The following USP28 variants were observed in gnomAD, a reference collection of about 807,000 sequenced individuals.
USP28 encodes ubiquitin specific peptidase 28.
A neutral mutation model predicts 145.0 loss-of-function variants in USP28; 113 were observed. That is an observed-to-expected ratio of 0.78 (90% confidence interval 0.67 to 0.91). USP28 has a LOEUF of 0.91. Ranked by LOEUF, USP28 falls within the 40% of genes least tolerant of loss-of-function variation. USP28 has a pLI of 0.00. For missense variants in USP28, 1,201 were observed against 1,289.6 expected (o/e 0.93, Z 1.05); for synonymous variants, 447 against 450.9 (o/e 0.99, Z 0.11).
intron 16 of USP28, among the ~76,000 whole-genome samples, chr11:113,809,744 G>A (rs1249627901): frequency 1.3e-5 from 2 of 152,118 alleles, no homozygotes; most frequent in African/African-American, 4.8e-5. Flanking sequence ...TAAAGATATG[G>A]AAAGTGGGCC....
intron 5 of USP28, among the ~76,000 whole-genome samples, chr11:113,838,893 T>A (rs1944882867): frequency 6.6e-6 from 1 of 152,204 alleles, no homozygotes; most frequent in South Asian, 2.1e-4. Context: ...AGAATTCCAT[T>A]TTTTGGCTTG....
chr11:113,821,093 G>T, intron 12 of USP28: 1 of 243,528 alleles, frequency 4.1e-6, no homozygotes, highest in South Asian at 6.3e-5. Flanking sequence ...GAGGGACTTG[G>T]GATGAAAGTA....
At chr11:113,821,764 GA>G (rs1253575177) in intron 12 of USP28, 2 of 195,246 alleles carry the variant, frequency 1.0e-5, no homozygotes, top group Non-Finnish European at 2.2e-5. Context: ...TTTTTATTCA[GA>G]AAGCCTCTCT....
At chr11:113,822,183 G>T (rs999952705) in intron 12 of USP28, among the ~76,000 whole-genome samples, 1 of 152,118 alleles carries the variant, frequency 6.6e-6, no homozygotes. Flanking sequence ...CAGGAACAGC[G>T]GCTCACGCCT....
chr11:113,834,244 C>T lies in USP28; in HGVS notation c.621+5G>A. ...CAGTGAAGAAATTCCTTGACACCAACTTACTGTATGACTTCGACAATTTTC... is the reference window on the plus strand; with the variant it reads ...CAGTGAAGAAATTCCTTGACACCAATTTACTGTATGACTTCGACAATTTTC... On this transcript the variant is annotated splice_donor_5th_base_variant and intron_variant, in intron 6 of 24. Transcript: ENST00000003302. 6.2e-7 allele frequency: 1 copy of T among 1,604,806 alleles called. No homozygotes were observed. The highest frequency in any genetic ancestry group is 8.5e-7 in the Non-Finnish European group (1 of 1,175,958).
At chr11:113,875,528 C>CG in exon 1 of USP28, 2 of 1,147,706 alleles carry the variant, frequency 1.7e-6, no homozygotes, top group South Asian at 8.1e-5. Flanking sequence ...CGCGGGTCAC[C>CG]GGTCTCCCGC....
At chr11:113,816,496 A>T (rs1216041002) in intron 13 of USP28, among the ~76,000 whole-genome samples, 1 of 152,148 alleles carries the variant, frequency 6.6e-6, no homozygotes, top group Non-Finnish European at 1.5e-5. Context: ...CTGGCGACAG[A>T]GTGAGACTCC....
At chr11:113,827,533 T>A (rs1943521802) in intron 10 of USP28, among the ~76,000 whole-genome samples, 173 bp from the exon 11 acceptor site, 1 of 152,218 alleles carries the variant, frequency 6.6e-6, no homozygotes, top group South Asian at 2.1e-4. Flanking sequence ...AATCAACACT[T>A]AGAATCTCAT....
At chr11:113,844,207 C>G (rs1945549122) in intron 3 of USP28, among the ~76,000 whole-genome samples, 1 of 151,808 alleles carries the variant, frequency 6.6e-6, no homozygotes, top group Non-Finnish European at 1.5e-5. Context: ...TTGGGAGGCC[C>G]AGACGGGTGG....
chr11:113,841,301 G>C (rs1006709245), intron 4 of USP28, among the ~76,000 whole-genome samples: 3 of 152,190 alleles, frequency 2.0e-5, no homozygotes, highest in African/African-American at 7.2e-5. Context: ...GATCACTTAT[G>C]AGACAGGGTA....
At chr11:113,851,112 A>C (rs1020475133) in intron 3 of USP28, among the ~76,000 whole-genome samples, 3 of 152,112 alleles carry the variant, frequency 2.0e-5, no homozygotes, top group African/African-American at 7.2e-5. Flanking sequence ...TACCTTAAAA[A>C]TAATATATGC....
intron 5 of USP28, 49 bp downstream of exon 5, chr11:113,840,549 T>C: frequency 6.3e-7 from 1 of 1,577,292 alleles, no homozygotes; most frequent in Non-Finnish European, 8.6e-7. Context: ...GTTTAATAAA[T>C]TACAAAGTTA....
At chr11:113,844,108 G>A (rs571459264) in intron 3 of USP28, among the ~76,000 whole-genome samples, 1 of 152,188 alleles carries the variant, frequency 6.6e-6, no homozygotes, top group South Asian at 2.1e-4. Context: ...AGAAAAAATA[G>A]ATTAAAAAAT....
chr11:113,812,376 A>T, exon 16 of USP28: 3 of 1,614,104 alleles, frequency 1.9e-6, no homozygotes, highest in Non-Finnish European at 2.5e-6. Context: ...CTTCCCAGGA[A>T]GATTCAGTAA....
chr11:113,829,586 G>A, intron 9 of USP28: 1 of 436,588 alleles, frequency 2.3e-6, no homozygotes, highest in South Asian at 2.8e-5. Flanking sequence ...CCACCACTTT[G>A]GGAGGCCAAG....
chr11:113,817,554 C>T lies in USP28; in HGVS notation c.1463+104G>A. On this transcript the variant is annotated intron_variant, in intron 13 of 24. Coordinates refer to ENST00000003302, the Ensembl canonical transcript of USP28. Reference sequence around the variant, plus strand: ...CTTTAAGACAAAGAGCTCACAGCTCCTGTGCTCTTATAGGTGACTGTCAAT... The same window carrying T: ...CTTTAAGACAAAGAGCTCACAGCTCTTGTGCTCTTATAGGTGACTGTCAAT... 2.3e-6 allele frequency: 3 copies of T among 1,326,686 alleles called. No individual in the cohort carries two copies. The South Asian group carries it at 4.3e-5, about 19-fold the overall frequency. 82.2% of individuals were successfully genotyped at this position (1,326,686 alleles called of 1,614,324 possible).
chr11:113,857,446 G>GGTTTTTTT (rs1434754685), intron 1 of USP28, among the ~76,000 whole-genome samples: 1 of 151,952 alleles, frequency 6.6e-6, no homozygotes, highest in Non-Finnish European at 1.5e-5. Flanking sequence ...CAGGTTTTTT[G>GGTTTTTTT]GTTTTTTTGT....
At position 113,842,368 on chromosome 11, in the gene USP28, G is replaced by A. The variant is rs183222742; in HGVS notation, c.269-600C>T. On this transcript the variant is annotated intron_variant, in intron 3 of 24. Transcript: ENST00000003302. ...TGGGAGGCCGAGGCGGGCGGATCAC[G>A]AGGTCAAGAGATCGAGACCATCCTG... Among the ~76,000 whole-genome samples the A allele has an allele frequency of 6.4e-3, 968 of 151,838 alleles. 3 individuals carry two copies. The highest frequency in any genetic ancestry group is 0.031 in the Middle Eastern group (9 of 294).
At chr11:113,826,642 G>A (rs1043209921) in intron 11 of USP28, among the ~76,000 whole-genome samples, 2 of 151,708 alleles carry the variant, frequency 1.3e-5, no homozygotes, top group African/African-American at 4.8e-5. Flanking sequence ...ATTCTAGGCC[G>A]GGCGCGGTGG....
Sources: gnomAD v4.1 joint callset for allele counts (sites outside exome capture counted in the v4.1 genomes callset) on GRCh38, gnomAD v4.1.1 for gene constraint, MANE v1.5 for transcripts, NCBI Gene and HGNC (gene_info 2026-07-23, HGNC 2026-07-21) for gene names.